BTBD10: variants seen among roughly 807,000 people sequenced by gnomAD.
BTBD10 encodes the protein BTB/POZ domain-containing protein 10.
Under a neutral mutation model 53.2 loss-of-function variants are expected in BTBD10, and 21 were observed. The observed-to-expected ratio is 0.39, with a 90% CI of 0.28 to 0.57. The LOEUF is 0.57. Among genes scored for constraint, BTBD10 ranks in the 20% least tolerant of loss-of-function variants. BTBD10 has a pLI of 0.53. For missense variants in BTBD10, 360 were observed against 594.7 expected (o/e 0.61, Z 4.10); for synonymous variants, 149 against 192.7 (o/e 0.77, Z 1.88).
chr11:13,390,181 T>C (rs1044996316), intron 8 of BTBD10, among the ~76,000 whole-genome samples: 3 of 152,170 alleles, frequency 2.0e-5, no homozygotes, highest in African/African-American at 4.8e-5. Flanking sequence ...TCCTTTCTTC[T>C]AGTAAGAATT....
intron 2 of BTBD10, among the ~76,000 whole-genome samples, chr11:13,423,276 T>C (rs1950277250): frequency 6.6e-6 from 1 of 152,214 alleles, no homozygotes; most frequent in Non-Finnish European, 1.5e-5. Context: ...TTCATGGCTT[T>C]AGAGTAAAAT....
At chr11:13,419,860 ACTTTT>A (rs1411455470) in intron 3 of BTBD10, 115 bp from the exon 4 acceptor site, 2 of 1,087,798 alleles carry the variant, frequency 1.8e-6, no homozygotes, top group Non-Finnish European at 2.5e-6. Flanking sequence ...CAGCATTTCT[ACTTTT>A]CAATTTCAAA....
chr11:13,444,246 CTGGTATT>C (rs1475218066), intron 2 of BTBD10, among the ~76,000 whole-genome samples: 1 of 150,274 alleles, frequency 6.7e-6, no homozygotes, highest in African/African-American at 2.5e-5. Flanking sequence ...TTCAAGAAAG[CTGGTATT>C]TGTTATCAGT....
chr11:13,396,995 A>C (rs1194476131), intron 8 of BTBD10, among the ~76,000 whole-genome samples: 1 of 152,172 alleles, frequency 6.6e-6, no homozygotes, highest in Non-Finnish European at 1.5e-5. Flanking sequence ...TATTGGTCTA[A>C]AATTCTCTTT....
At chr11:13,402,096 CT>C (rs1334055884) in intron 8 of BTBD10, among the ~76,000 whole-genome samples, 1 of 152,198 alleles carries the variant, frequency 6.6e-6, no homozygotes, top group Non-Finnish European at 1.5e-5. Context: ...CTAAATCTCA[CT>C]GTTTACAAAG....
At chr11:13,451,901 G>C (rs1007098609) in intron 1 of BTBD10, among the ~76,000 whole-genome samples, 7 of 152,134 alleles carry the variant, frequency 4.6e-5, no homozygotes, top group African/African-American at 1.4e-4. Context: ...GGGCATCTCA[G>C]TAGAGAGGTG....
intron 5 of BTBD10, 61 bp downstream of exon 5, chr11:13,417,097 A>C: frequency 8.0e-7 from 1 of 1,250,214 alleles, no homozygotes; most frequent in Non-Finnish European, 1.1e-6. Context: ...TTCTGCGTCT[A>C]ATCCAAGTAC....
chr11:13,395,494 G>T (rs986542518), intron 8 of BTBD10, among the ~76,000 whole-genome samples: 1 of 152,160 alleles, frequency 6.6e-6, no homozygotes. Flanking sequence ...TAGGTTGCCT[G>T]TTCACTCTGA....
At position 13,417,263 on chromosome 11, in the gene BTBD10, A is replaced by G. The variant is rs867833527; in HGVS notation, c.585-3T>C. ...GTTCTCGGCCAGATCCAAACATCCT[A>G]TGATAGTAAATAATTGAGAAATACG... On this transcript the variant is annotated splice_polypyrimidine_tract_variant and splice_region_variant and intron_variant, in intron 4 of 8. Transcript: ENST00000278174. 1 of 1,593,960 alleles carries G rather than the reference A, an allele frequency of 6.3e-7. No individual in the cohort carries two copies. Among genetic ancestry groups the G allele is most frequent in the Middle Eastern group, 1.7e-4 (1 of 5,994 alleles).
At chr11:13,421,599 A>G (rs376268412) in intron 3 of BTBD10, 43 bp downstream of exon 3, 62 of 1,523,332 alleles carry the variant, frequency 4.1e-5, no homozygotes, top group African/African-American at 3.3e-4. Flanking sequence ...AGGTAAATGC[A>G]TGTTTTTAAG....
rs569254328 is a variant in BTBD10, at chr11:13,397,490, C to T, written c.1117+5678G>A. ...AATTTTGTTGATCCTTTCAAAAAAC[C>T]AGCTCCTGGATTCATTGATTTTTTG... On this transcript the variant is annotated intron_variant, in intron 8 of 8. Transcript: ENST00000278174. Among the ~76,000 whole-genome samples the T allele has an allele frequency of 2.0e-5, 3 of 152,230 alleles. No homozygotes were observed. In the South Asian group the frequency reaches 6.2e-4, roughly 32 times the overall value.
intron 1 of BTBD10, among the ~76,000 whole-genome samples, chr11:13,452,367 C>T (rs775858074): frequency 1.2e-4 from 19 of 152,052 alleles, no homozygotes; most frequent in Non-Finnish European, 2.1e-4. Flanking sequence ...TATTCTGTAC[C>T]TTAATTGTGG....
intron 8 of BTBD10, among the ~76,000 whole-genome samples, chr11:13,400,540 C>A (rs557653360): frequency 6.7e-6 from 1 of 150,164 alleles, no homozygotes; most frequent in Non-Finnish European, 1.5e-5. Context: ...GCACGGTGCG[C>A]TGCACCCACT....
In BTBD10 at chr11:13,426,261, G is replaced by T. The variant is rs976231785; in HGVS notation, c.102-4423C>A. Among the ~76,000 whole-genome samples, 45 of 151,878 alleles carry T rather than the reference G, an allele frequency of 3.0e-4. 1 individual carries two copies. The highest frequency in any genetic ancestry group is 3.9e-4 in the Admixed American group (6 of 15,250). On this transcript the variant is annotated intron_variant, in intron 2 of 8. Transcript: ENST00000278174. ...AAAAACATCTTTCAAAAATAAGAAG[G>T]ATCTGCATTGATTTGTCGAAAAAAA...
At chr11:13,391,120 G>A (rs942752410) in intron 8 of BTBD10, among the ~76,000 whole-genome samples, 25 of 152,122 alleles carry the variant, frequency 1.6e-4, no homozygotes, top group African/African-American at 5.1e-4. Flanking sequence ...TGGTTTCCTC[G>A]TGCTTAATTG....
At chr11:13,423,420 A>T (rs528724742) in intron 2 of BTBD10, among the ~76,000 whole-genome samples, 1 of 152,324 alleles carries the variant, frequency 6.6e-6, no homozygotes, top group East Asian at 1.9e-4. Context: ...TATAATAAGT[A>T]AGCTGACCAG....
In BTBD10 at chr11:13,421,689, G is replaced by T; in HGVS notation, c.251C>A (p.Thr84Asn). 6.2e-7 allele frequency: 1 copy of T among 1,614,046 alleles called. No homozygotes were observed. The highest frequency in any genetic ancestry group is 8.5e-7 in the Non-Finnish European group (1 of 1,179,992). ...SSHERTESQL[T>N]PCIRNVTSPT... is the part of the protein sequence containing the mutation. Reference sequence around the variant, plus strand: ...AGAAGTCACATTTCTAATACAAGGAGTGAGCTGAGACTCCGTTCTTTCATG... The same window carrying T: ...AGAAGTCACATTTCTAATACAAGGATTGAGCTGAGACTCCGTTCTTTCATG... Residue 84 changes from threonine to asparagine, a missense_variant, in exon 3 of 9, where the codon ACT becomes AAT. By Grantham distance (65) the Thr-to-Asn change is moderately conservative. Transcript: ENST00000278174.
At chr11:13,439,996 C>A in intron 2 of BTBD10, 2 of 1,534,660 alleles carry the variant, frequency 1.3e-6, no homozygotes. Flanking sequence ...GCCAGGTCAG[C>A]ATCCTTGGGC....
Position 13,421,791 on chromosome 11 carries a change from C to T in BTBD10, c.149G>A (p.Ser50Asn). The T allele has an allele frequency of 3.1e-6, 5 of 1,613,948 alleles. No individual in the cohort carries two copies. The highest frequency in any genetic ancestry group is 4.2e-6 in the Non-Finnish European group (5 of 1,179,936). Residue 50 changes from serine (S) to asparagine (N), a missense_variant, in exon 3 of 9, where the codon AGT (serine) becomes AAT (asparagine). Physicochemically the swap from Ser to Asn is conservative, Grantham distance 46 (BLOSUM62 1). Around this residue, in one of 6 missense-constraint regions of BTBD10, gnomAD observed 81 missense variants for 82.6 expected, o/e 0.98. Transcript: ENST00000278174. ...AKGGVDHTKM[S>N]LHGASGGHER... ...ATGTCCCCCACTAGCACCATGTAGA[C>T]TCATTTTGGTGTGGTCAACTCCTCC...
Sources: allele counts gnomAD v4.1 joint callset (sites outside exome capture counted in the v4.1 genomes callset), GRCh38; gene constraint gnomAD v4.1.1; regional missense constraint gnomAD v4.1.1; transcripts MANE v1.5; gene names NCBI Gene and HGNC (gene_info 2026-07-23, HGNC 2026-07-21).